The following SPATA31H1 variants were observed in gnomAD, a reference collection of about 807,000 sequenced individuals.
SPATA31H1 encodes the protein spermatogenesis-associated protein 31H1.
the SPATA31H1 span, among the ~76,000 whole-genome samples, chr2:27,540,278 AC>A: frequency 1.8e-5 from 1 of 54,256 alleles, no homozygotes. Flanking sequence ...GCTGACCCCC[AC>A]CACCTCCCTC....
chr2:27,576,311 T>C, the SPATA31H1 span: 1 of 438,662 alleles, frequency 2.3e-6, no homozygotes, highest in Non-Finnish European at 4.0e-6. Context: ...AATTTCAAGA[T>C]ATAACACCAA....
chr2:27,574,756 G>T, the SPATA31H1 span: 1 of 398,388 alleles, frequency 2.5e-6, no homozygotes, highest in East Asian at 3.6e-5. Context: ...AAGCTTCAAG[G>T]TGGGGAATCT....
At chr2:27,570,930 C>A in the SPATA31H1 span, 4 of 398,708 alleles carry the variant, frequency 1.0e-5, no homozygotes, top group African/African-American at 8.2e-5. Flanking sequence ...CAGTGTAAAT[C>A]ATTCTGAGTT....
At chr2:27,570,575 G>A in the SPATA31H1 span, 2 of 398,854 alleles carry the variant, frequency 5.0e-6, no homozygotes, top group Non-Finnish European at 8.9e-6. Flanking sequence ...ACCCAGAGCT[G>A]CAGCTACAAG....
At chr2:27,565,024 A>G in the SPATA31H1 span, among the ~76,000 whole-genome samples, 1 of 151,942 alleles carries the variant, frequency 6.6e-6, no homozygotes, top group African/African-American at 2.4e-5. Context: ...GATCTCGGTG[A>G]TGTTCCCACT....
At chr2:27,565,248 C>T in the SPATA31H1 span, 8 of 676,266 alleles carry the variant, frequency 1.2e-5, no homozygotes, top group Non-Finnish European at 1.9e-5. Context: ...GTATCAATAT[C>T]TGATATCTAA....
At chr2:27,577,750 C>G in the SPATA31H1 span, 1 of 1,614,096 alleles carries the variant, frequency 6.2e-7, no homozygotes, top group Non-Finnish European at 8.5e-7. This position sits in a 1 kb window ranked among gnomAD's most constrained non-coding sequence, Gnocchi z 4.5. Flanking sequence ...GGGATAATAT[C>G]AGGGTTAGGA....
chr2:27,579,924 T>C, the SPATA31H1 span: 1 of 1,614,176 alleles, frequency 6.2e-7, no homozygotes, highest in South Asian at 1.1e-5. Flanking sequence ...AGTCCTAAAA[T>C]ACCCTATCTG....
At chr2:27,581,634 A>G in the SPATA31H1 span, 34 of 1,612,424 alleles carry the variant, frequency 2.1e-5, no homozygotes, top group Middle Eastern at 6.6e-4. Flanking sequence ...AAGCCATTGC[A>G]GTCCCTCTGA....
chr2:27,560,916 G>T, the SPATA31H1 span, among the ~76,000 whole-genome samples: 1 of 152,174 alleles, frequency 6.6e-6, no homozygotes, highest in Non-Finnish European at 1.5e-5. Flanking sequence ...ACTTCTCAGG[G>T]ATTTCACCCC....
chr2:27,581,225 C>T, the SPATA31H1 span: 2,890 of 1,614,188 alleles, frequency 1.8e-3, 39 homozygotes, highest in African/African-American at 0.033. Context: ...GAACCCCACG[C>T]GGTCCTTCTG....
At chr2:27,565,202 T>C in the SPATA31H1 span, 1,919 of 616,682 alleles carry the variant, frequency 3.1e-3, 23 homozygotes, top group African/African-American at 0.029. Context: ...CATGTGGTTA[T>C]GGATGCCAAC....
the SPATA31H1 span, chr2:27,578,730 G>T: frequency 6.2e-7 from 1 of 1,614,162 alleles, no homozygotes; most frequent in Non-Finnish European, 8.5e-7. Context: ...GTTAACATCA[G>T]AAGAGTTACA....
chr2:27,560,718 A>G, the SPATA31H1 span, among the ~76,000 whole-genome samples: 1 of 152,094 alleles, frequency 6.6e-6, no homozygotes, highest in Non-Finnish European at 1.5e-5. Context: ...CGGCCTCCCA[A>G]AGTGCTGGGA....
chr2:27,573,537 C>T, the SPATA31H1 span: 12 of 398,496 alleles, frequency 3.0e-5, no homozygotes, highest in African/African-American at 2.1e-4. Flanking sequence ...ACATCAGTTG[C>T]CAGGGCTCAA....
chr2:27,578,385 G>A, the SPATA31H1 span: 5 of 1,614,114 alleles, frequency 3.1e-6, no homozygotes, highest in Non-Finnish European at 4.2e-6. Context: ...AAAATCTGAG[G>A]AGTTAGCACC....
the SPATA31H1 span, among the ~76,000 whole-genome samples, chr2:27,540,532 C>CA: frequency 7.2e-6 from 1 of 139,046 alleles, no homozygotes; most frequent in East Asian, 2.4e-4. Flanking sequence ...GGCTGACCCC[C>CA]CCCCCACCTC....
At chr2:27,581,207 T>C in the SPATA31H1 span, 2 of 1,614,178 alleles carry the variant, frequency 1.2e-6, no homozygotes, top group Non-Finnish European at 1.7e-6. Context: ...CCAGCTTCTA[T>C]AGGGAGAGAA....
At chr2:27,575,980 T>C in the SPATA31H1 span, 1 of 398,760 alleles carries the variant, frequency 2.5e-6, no homozygotes. The surrounding 1 kb of genome is among the most constrained non-coding windows in gnomAD (Gnocchi z 4.1). Flanking sequence ...TTCAACCCTA[T>C]ACCACATTTG....
Sources: allele counts gnomAD v4.1 joint callset (sites outside exome capture counted in the v4.1 genomes callset), GRCh38; gene constraint gnomAD v4.1.1; non-coding constraint Gnocchi (gnomAD v3.1); transcripts MANE v1.5; gene names NCBI Gene and HGNC (gene_info 2026-07-23, HGNC 2026-07-21).